Variants in PRMT5 observed in about 807,000 individuals in gnomAD.
The protein encoded by PRMT5 is protein arginine methyltransferase 5, also known as protein arginine N-methyltransferase 5.
PRMT5 carries 15 observed loss-of-function variants against 84.0 expected under a neutral mutation model. That is an observed-to-expected ratio of 0.18 (90% CI 0.12 to 0.28). PRMT5 has a LOEUF of 0.28. Ranked by LOEUF, PRMT5 falls within the 10% of genes least tolerant of loss-of-function variation. The pLI is 1.00. For synonymous variants in PRMT5, 276 were observed against 292.4 expected, an observed-to-expected ratio of 0.94 and a Z score of 0.57; for missense variants, 486 against 808.0, an observed-to-expected ratio of 0.60 and a Z score of 4.83.
In PRMT5 at chr14:22,920,622, T is replaced by C. The variant is rs1408006822; in HGVS notation, c.*282A>G. On this transcript the variant is annotated 3_prime_UTR_variant, in exon 17 of 17. Transcript: ENST00000324366. The stretch of plus-strand genomic sequence containing the variant: ...AGGCTGAAAATCCGTTCAAACCCCA[T>C]GTTCTCAGGGATATTCCAGGGAGTT... 85 of 646,558 alleles carry C rather than the reference T, an allele frequency of 1.3e-4. 1 individual carries two copies. The highest frequency in any genetic ancestry group is 6.5e-4 in the South Asian group (43 of 65,896). The allele number at this position is 646,558 out of a possible 1,614,324, so 40.1% of individuals were successfully genotyped here. A position where few individuals can be genotyped will look rare whatever the true frequency, so the allele number is the denominator to read the frequency against.
intron 15 of PRMT5, 56 bp from the exon 16 acceptor site, chr14:22,922,296 A>C (rs973178589): frequency 2.7e-6 from 4 of 1,500,144 alleles, no homozygotes; most frequent in African/African-American, 2.8e-5. Flanking sequence ...ACTTTTGCCT[A>C]TGCTGAAGAG....
In PRMT5 at chr14:22,924,479, T is replaced by C. The variant is rs1449529014; in HGVS notation, c.1076A>G (p.Gln359Arg). ...VPEEEKDTNV[Q>R]VLMVLGAGRG... ...CTGAGATTGAGGGGAAAGCACTCAC[T>C]GGACATTGGTATCCTTCTCCTCTTC... Residue 359 changes from glutamine (Q) to arginine (R), a missense_variant and splice_region_variant, in exon 10 of 17, where the codon CAG (glutamine) becomes CGG (arginine). This residue lies in a region of PRMT5 where 219 missense variants were observed against 433.6 expected (regional missense o/e 0.51). Transcript: ENST00000324366. This position sits in a 1 kb window ranked among gnomAD's most constrained non-coding sequence, Gnocchi z 6.5. 6.2e-7 allele frequency: 1 copy of C among 1,614,058 alleles called. No individual in the cohort carries two copies. The highest frequency in any genetic ancestry group is 1.7e-5 in the Admixed American group (1 of 60,014).
Position 22,928,302 on chromosome 14 carries a change from T to G in PRMT5, c.230-91A>C. On this transcript the variant is annotated intron_variant, in intron 2 of 16. Coordinates refer to ENST00000324366, the MANE Select transcript of PRMT5 (RefSeq NM_006109.5). The surrounding 1 kb of genome is among the most constrained non-coding windows in gnomAD (Gnocchi z 4.8). Reference sequence around the variant, plus strand: ...TAGTTTTGGGAATCAAGAGTAGAAATGAGAGACAAAGGTTTTTTCTACATA... The same window carrying G: ...TAGTTTTGGGAATCAAGAGTAGAAAGGAGAGACAAAGGTTTTTTCTACATA... 7.0e-7 allele frequency: 1 copy of G among 1,434,158 alleles called. No individual in the cohort carries two copies. Among genetic ancestry groups the G allele is most frequent in the Non-Finnish European group, 9.8e-7 (1 of 1,024,712 alleles). 88.8% of individuals were successfully genotyped at this position (1,434,158 alleles called of 1,614,324 possible).
intron 16 of PRMT5, 55 bp from the exon 17 acceptor site, chr14:22,921,111 A>C: frequency 1.3e-6 from 2 of 1,597,894 alleles, no homozygotes; most frequent in East Asian, 4.5e-5. Flanking sequence ...ATACATGGCA[A>C]TGTATTAAGG....
Position 22,924,799 on chromosome 14 carries a change from T to C in PRMT5, c.939+80A>G. 6.3e-7 allele frequency: 1 copy of C among 1,589,224 alleles called. No individual in the cohort carries two copies. Among genetic ancestry groups the C allele is most frequent in the Non-Finnish European group, 8.6e-7 (1 of 1,164,754 alleles). ...AAAAACTTTCCACTGCTTTCTGAGTTTTAGTAAGATTTGGAGGCATATATT... is the reference window on the plus strand; with the variant it reads ...AAAAACTTTCCACTGCTTTCTGAGTCTTAGTAAGATTTGGAGGCATATATT... On this transcript the variant is annotated intron_variant, in intron 8 of 16. Transcript: ENST00000324366. This position sits in a 1 kb window ranked among gnomAD's most constrained non-coding sequence, Gnocchi z 6.5.
In PRMT5 at chr14:22,920,995, G is replaced by A. The variant is rs373166386; in HGVS notation, c.1823C>T (p.Ser608Phe). Reference sequence around the variant, plus strand: ...AGCCCACTCATACCACACCTTCTTGGAATTGCTGCATCGCCAGAAACGCAC... The same window carrying A: ...AGCCCACTCATACCACACCTTCTTGAAATTGCTGCATCGCCAGAAACGCAC... The part of the protein sequence containing the change: ...ICVRFWRCSN[S>F]KKVWYEWAVT... The change falls in exon 17 of 17, where the codon TCC becomes TTC. Residue 608 changes from serine (S) to phenylalanine (F), a missense_variant. Around this residue, in one of 4 missense-constraint regions of PRMT5, gnomAD observed 219 missense variants for 433.6 expected, o/e 0.51. Coordinates refer to ENST00000324366, the MANE Select transcript of PRMT5 (RefSeq NM_006109.5). The A allele has an allele frequency of 1.8e-4, 291 of 1,614,056 alleles. No individual in the cohort carries two copies. Among genetic ancestry groups the A allele is most frequent in the Non-Finnish European group, 2.4e-4 (281 of 1,180,042 alleles).
In PRMT5 at chr14:22,924,894, CAGATAGTCTTCAT is replaced by C. The variant is rs756203165; in HGVS notation, c.911_923del (p.Tyr304CysfsTer8). 6.2e-7 allele frequency: 1 copy of C among 1,614,148 alleles called. No homozygotes were observed. Among genetic ancestry groups the C allele is most frequent in the Non-Finnish European group, 8.5e-7 (1 of 1,180,000 alleles). Reference sequence around the variant, plus strand: ...CCAGACCCACCTGAAGCGGGGACTGCAGATAGTCTTCATAGCCCTTGGCAAAGAGTTCATAGGC... The same window carrying C: ...CCAGACCCACCTGAAGCGGGGACTGCAGCCCTTGGCAAAGAGTTCATAGGC... On this transcript the variant is annotated frameshift_variant, in exon 8 of 17. Transcript: ENST00000324366. LOFTEE classifies it high-confidence loss of function. The surrounding 1 kb of genome is among the most constrained non-coding windows in gnomAD (Gnocchi z 6.5).
Position 22,928,404 on chromosome 14 carries a change from A to G in PRMT5, c.229+93T>C. The G allele has an allele frequency of 8.1e-7, 1 of 1,236,132 alleles. No homozygotes were observed. The highest frequency in any genetic ancestry group is 1.2e-6 in the Non-Finnish European group (1 of 841,312). 76.6% of individuals were successfully genotyped at this position (1,236,132 alleles called of 1,614,324 possible). A position where few individuals can be genotyped will look rare whatever the true frequency, so the allele number is the denominator to read the frequency against. On this transcript the variant is annotated intron_variant, in intron 2 of 16. Transcript: ENST00000324366. This position sits in a 1 kb window ranked among gnomAD's most constrained non-coding sequence, Gnocchi z 4.8. ...CTATATCCCAGGGACTAACAAATAT[A>G]TCCAAGTCAGAAAAGGAGGAGAATG...
At chr14:22,922,648 A>C in intron 14 of PRMT5, 89 bp from the exon 15 acceptor site, 2 of 1,509,670 alleles carry the variant, frequency 1.3e-6, no homozygotes, top group South Asian at 2.2e-5. Context: ...AAGGAAGAGT[A>C]GATAAGGCAG....
In PRMT5 at chr14:22,924,054, A is replaced by G; in HGVS notation, c.1329T>C (p.Asn443=). ...CATCCAGGCACTCAGGCGACAATTC[A>G]TTGTCAGCAAATGAGCCCAGAAGCT... ...VSELLGSFAD[N]ELSPECLDGA... Residue 443 remains asparagine (N), a synonymous_variant, in exon 12 of 17, where the codon AAT becomes AAC. Coordinates refer to ENST00000324366, the MANE Select transcript of PRMT5 (RefSeq NM_006109.5). The surrounding 1 kb of genome is among the most constrained non-coding windows in gnomAD (Gnocchi z 6.5). 6.2e-7 allele frequency: 1 copy of G among 1,603,026 alleles called. No homozygotes were observed.
rs772019802 is a variant in PRMT5, at chr14:22,920,765, T to C, written c.*139A>G. On this transcript the variant is annotated 3_prime_UTR_variant, in exon 17 of 17. Coordinates refer to ENST00000324366, the MANE Select transcript of PRMT5 (RefSeq NM_006109.5). ...AATTATAATCCCTTGCCCACCTTGA[T>C]GTAAGGCAGGAAAGCAGATTGAAAT... 1.6e-6 allele frequency: 2 copies of C among 1,253,352 alleles called. No homozygotes were observed. The highest frequency in any genetic ancestry group is 3.0e-5 in the African/African-American group (2 of 67,768). 77.6% of individuals were successfully genotyped at this position (1,253,352 alleles called of 1,614,324 possible). A position where few individuals can be genotyped will look rare whatever the true frequency, so the allele number is the denominator to read the frequency against.
chr14:22,922,152 G>A (rs1275168972), intron 16 of PRMT5, 24 bp downstream of exon 16: 17 of 1,530,750 alleles, frequency 1.1e-5, no homozygotes, highest in Non-Finnish European at 1.5e-5. Context: ...TGCTTAACTA[G>A]AGAGTCTTAA....
Position 22,923,749 on chromosome 14 carries a change from C to T in PRMT5, c.1375+259G>A, listed in dbSNP as rs2044356462. Among the ~76,000 whole-genome samples the T allele has an allele frequency of 6.6e-6, 1 of 151,990 alleles. No homozygotes were observed. The highest frequency in any genetic ancestry group is 1.5e-5 in the Non-Finnish European group (1 of 67,980). On this transcript the variant is annotated intron_variant, in intron 12 of 16. Transcript: ENST00000324366. This position sits in a 1 kb window ranked among gnomAD's most constrained non-coding sequence, Gnocchi z 5.2. ...GGCTGGTCTCAAACTCCTGACCTCCCGCCTTGGCCTCCCAAAGTGCTGCAA... is the reference window on the plus strand; with the variant it reads ...GGCTGGTCTCAAACTCCTGACCTCCTGCCTTGGCCTCCCAAAGTGCTGCAA...
At chr14:22,927,084 C>CTTT (rs34007516) in intron 4 of PRMT5, among the ~76,000 whole-genome samples, 3 of 132,508 alleles carry the variant, frequency 2.3e-5, no homozygotes, top group African/African-American at 2.8e-5. Flanking sequence ...CAATACTGAC[C>CTTT]TTTTTTTTTT....
At chr14:22,927,109 A>T (rs1204169041) in intron 4 of PRMT5, among the ~76,000 whole-genome samples, 1 of 146,258 alleles carries the variant, frequency 6.8e-6, no homozygotes, top group Non-Finnish European at 1.5e-5. Context: ...TTTTTGAGAC[A>T]AGGTCTGGCT....
intron 4 of PRMT5, 187 bp from the exon 5 acceptor site, chr14:22,927,001 C>T (rs900746075): frequency 4.7e-5 from 27 of 574,640 alleles, no homozygotes; most frequent in South Asian, 9.0e-5. Flanking sequence ...CCTTGTCTTA[C>T]GTAAGTTTCC....
chr14:22,920,784 T>G lies in PRMT5; in HGVS notation c.*120A>C. The G allele has an allele frequency of 1.4e-6, 2 of 1,411,908 alleles. No individual in the cohort carries two copies. Among genetic ancestry groups the G allele is most frequent in the Non-Finnish European group, 2.0e-6 (2 of 997,010 alleles). 87.5% of individuals were successfully genotyped at this position (1,411,908 alleles called of 1,614,324 possible). Reference sequence around the variant, plus strand: ...CCTTGATGTAAGGCAGGAAAGCAGATTGAAATGCTCCTCTCTGATGGGCAA... The same window carrying G: ...CCTTGATGTAAGGCAGGAAAGCAGAGTGAAATGCTCCTCTCTGATGGGCAA... On this transcript the variant is annotated 3_prime_UTR_variant, in exon 17 of 17. Coordinates refer to ENST00000324366, the MANE Select transcript of PRMT5 (RefSeq NM_006109.5).
Position 22,920,805 on chromosome 14 carries a change from G to T in PRMT5, c.*99C>A, listed in dbSNP as rs2044262864. ...CAGATTGAAATGCTCCTCTCTGATGGGCAAGGGGAATCACAGCCCATAGAT... is the reference window on the plus strand; with the variant it reads ...CAGATTGAAATGCTCCTCTCTGATGTGCAAGGGGAATCACAGCCCATAGAT... On this transcript the variant is annotated 3_prime_UTR_variant, in exon 17 of 17. Transcript: ENST00000324366. 26 of 1,515,754 alleles carry T rather than the reference G, an allele frequency of 1.7e-5. No homozygotes were observed. The highest frequency in any genetic ancestry group is 2.3e-5 in the Non-Finnish European group (25 of 1,091,170). 93.9% of individuals were successfully genotyped at this position (1,515,754 alleles called of 1,614,324 possible). A position where few individuals can be genotyped will look rare whatever the true frequency, so the allele number is the denominator to read the frequency against.
intron 5 of PRMT5, 22 bp from the exon 6 acceptor site, chr14:22,926,577 A>C: frequency 1.2e-6 from 2 of 1,614,092 alleles, no homozygotes; most frequent in Non-Finnish European, 1.7e-6. Flanking sequence ...AATACAGAAA[A>C]GTACAGTAAA....
Sources: gnomAD v4.1 joint callset for allele counts (sites outside exome capture counted in the v4.1 genomes callset) on GRCh38, gnomAD v4.1.1 for gene constraint, gnomAD v4.1.1 regional missense constraint, Gnocchi (gnomAD v3.1) non-coding constraint, MANE v1.5 for transcripts, NCBI Gene and HGNC (gene_info 2026-07-23, HGNC 2026-07-21) for gene names.